The following FIS1 variants were observed in gnomAD, a reference collection of about 807,000 sequenced individuals.
FIS1 encodes fission, mitochondrial 1.
Under a neutral mutation model 21.6 loss-of-function variants are expected in FIS1, and 16 were observed. The observed-to-expected ratio is 0.74, with a 90% CI of 0.50 to 1.12. The LOEUF is 1.12. Ranked by LOEUF, FIS1 falls within the 50% of genes most tolerant of loss-of-function variation. The probability of loss-of-function intolerance (pLI) is 0.00; values close to 1 mark genes in which losing one functional copy is unlikely to be tolerated. For missense variants in FIS1, 198 were observed against 190.9 expected, an observed-to-expected ratio of 1.04 and a Z score of -0.22; for synonymous variants, 92 against 82.2, an observed-to-expected ratio of 1.12 and a Z score of -0.65.
chr7:101,244,164 A>G (rs1370700824), intron 1 of FIS1, 25 bp from the exon 2 acceptor site: 3 of 1,608,036 alleles, frequency 1.9e-6, no homozygotes, highest in Non-Finnish European at 2.6e-6. Flanking sequence ...GAAAGGAATC[A>G]TTTAGAAATG....
At chr7:101,240,939 C>T (rs751470497) in intron 2 of FIS1, 33 bp from the exon 3 acceptor site, 1 of 1,602,742 alleles carries the variant, frequency 6.2e-7, no homozygotes, top group South Asian at 1.1e-5. Context: ...GTGAGAAATG[C>T]TTCTTTCCTA....
chr7:101,239,802 T>TC lies in FIS1; in HGVS notation c.*3dup. 1 of 1,592,064 alleles carries TC rather than the reference T, an allele frequency of 6.3e-7. No individual in the cohort carries two copies. Among genetic ancestry groups the TC allele is most frequent in the South Asian group, 1.1e-5 (1 of 87,804 alleles). ...AGCGTTCTCCGTGGGCTCCCGCGTCTCCTTCAGGATTTGGACTTGGACACA... is the reference window on the plus strand; with the variant it reads ...AGCGTTCTCCGTGGGCTCCCGCGTCTCCCTTCAGGATTTGGACTTGGACACA... On this transcript the variant is annotated 3_prime_UTR_variant, in exon 5 of 5. Transcript: ENST00000223136.
chr7:101,243,908 G>GT (rs1429041766), intron 2 of FIS1, 99 bp downstream of exon 2: 1 of 1,455,516 alleles, frequency 6.9e-7, no homozygotes, highest in Non-Finnish European at 9.2e-7. Flanking sequence ...CCTTGGTGCA[G>GT]TAAATCTACC....
chr7:101,242,668 T>C (rs2116850240), intron 2 of FIS1, among the ~76,000 whole-genome samples: 1 of 152,138 alleles, frequency 6.6e-6, no homozygotes, highest in East Asian at 1.9e-4. Context: ...TTTGTATTTT[T>C]AGTAGAGACA....
intron 1 of FIS1, 83 bp from the exon 2 acceptor site, chr7:101,244,222 G>GCGC: frequency 1.4e-6 from 2 of 1,479,738 alleles, no homozygotes. Context: ...CCCTGGCTCT[G>GCGC]CCCCTTTCCC....
At chr7:101,243,478 A>C (rs1798773541) in intron 2 of FIS1, among the ~76,000 whole-genome samples, 1 of 152,218 alleles carries the variant, frequency 6.6e-6, no homozygotes, top group African/African-American at 2.4e-5. Flanking sequence ...CAGGATGTTG[A>C]TGCAGGAGAA....
chr7:101,240,068 G>A, intron 4 of FIS1, 74 bp downstream of exon 4: 3 of 1,531,442 alleles, frequency 2.0e-6, no homozygotes, highest in Non-Finnish European at 2.7e-6. Context: ...GCCTGGAGGG[G>A]TTCATTTACA....
At position 101,240,124 on chromosome 7, in the gene FIS1, AG is replaced by A. The variant is rs1325422476; in HGVS notation, c.361+17del. The A allele has an allele frequency of 1.9e-6, 3 of 1,613,230 alleles. No individual in the cohort carries two copies. Among genetic ancestry groups the A allele is most frequent in the Non-Finnish European group, 2.5e-6 (3 of 1,179,210 alleles). ...CGTGGGGAAGAGCGGGGCTGAACAA[AG>A]GGGCCGAGGCTGTCACCTTTCTTCA... On this transcript the variant is annotated intron_variant, in intron 4 of 4. Transcript: ENST00000223136.
chr7:101,241,566 TA>T (rs1238918706), intron 2 of FIS1: 1 of 149,646 alleles, frequency 6.7e-6, no homozygotes, highest in African/African-American at 2.5e-5. Context: ...CCTCCCCCTT[TA>T]AAAAAATCAG....
intron 1 of FIS1, chr7:101,244,423 G>C: frequency 2.4e-6 from 1 of 420,610 alleles, no homozygotes; most frequent in South Asian, 3.0e-5. Context: ...GCTGACCCCG[G>C]CGGCCGAACA....
intron 2 of FIS1, among the ~76,000 whole-genome samples, 200 bp downstream of exon 2, chr7:101,243,807 G>A (rs1798778017): frequency 1.3e-5 from 2 of 152,288 alleles, no homozygotes; most frequent in Non-Finnish European, 2.9e-5. Flanking sequence ...GACAGTCCTG[G>A]GGGAACTGAC....
At chr7:101,240,008 G>A (rs1798717770) in intron 4 of FIS1, 105 bp from the exon 5 acceptor site, 1 of 1,410,314 alleles carries the variant, frequency 7.1e-7, no homozygotes, top group Non-Finnish European at 9.8e-7. Flanking sequence ...CCTACCTGGA[G>A]TCGCAGGGCA....
At chr7:101,244,914 C>T (rs975775807) in intron 1 of FIS1, 46 bp downstream of exon 1, 1 of 1,612,102 alleles carries the variant, frequency 6.2e-7, no homozygotes, top group Non-Finnish European at 8.5e-7. Flanking sequence ...CTCCTCAGGA[C>T]CCGCCCTCCG....
In FIS1 at chr7:101,241,140, A is replaced by G. The variant is rs1798741569; in HGVS notation, c.179-234T>C. On this transcript the variant is annotated intron_variant, in intron 2 of 4. Coordinates refer to ENST00000223136, the MANE Select transcript of FIS1 (RefSeq NM_016068.3). ...ACAGAACATGCCTTTTATCAGTATT[A>G]CAGTCAACTGGTCCATCCAACTGAA... 2.2e-5 allele frequency: 12 copies of G among 554,328 alleles called. No individual in the cohort carries two copies. The South Asian group carries it at 2.6e-4, about 12-fold the overall frequency. The allele number at this position is 554,328 out of a possible 1,614,324, so 34.3% of individuals were successfully genotyped here.
At position 101,239,760 on chromosome 7, in the gene FIS1, T is replaced by A. The variant is rs1336263356; in HGVS notation, c.*46A>T. On this transcript the variant is annotated 3_prime_UTR_variant, in exon 5 of 5. Transcript: ENST00000223136. ...GAGAACAGGGAAAGGACAGCGAGGA[T>A]GGACAGGCCCTCCTGGAGCGTTCTC... 7.0e-7 allele frequency: 1 copy of A among 1,424,966 alleles called. No individual in the cohort carries two copies. The highest frequency in any genetic ancestry group is 9.7e-7 in the Non-Finnish European group (1 of 1,034,466). The allele number at this position is 1,424,966 out of a possible 1,614,324, so 88.3% of individuals were successfully genotyped here.
rs1418103095 is a variant in FIS1 at position 101,240,507 on chromosome 7, C to A, written c.256-260G>T. On this transcript the variant is annotated intron_variant, in intron 3 of 4. Coordinates refer to ENST00000223136, the MANE Select transcript of FIS1 (RefSeq NM_016068.3). Reference sequence around the variant, plus strand: ...TCCCCCTGCCCACGTGAAGGGCCTTCCCTTCTTCAGCCCTGGGGGCTCCTC... The same window carrying A: ...TCCCCCTGCCCACGTGAAGGGCCTTACCTTCTTCAGCCCTGGGGGCTCCTC... Among the ~76,000 whole-genome samples, 7 of 152,292 alleles carry A rather than the reference C, an allele frequency of 4.6e-5. No individual in the cohort carries two copies. The South Asian group carries it at 1.2e-3, about 27-fold the overall frequency.
At position 101,239,539 on chromosome 7, in the gene FIS1, A is replaced by G; in HGVS notation, c.*267T>C. The G allele has an allele frequency of 1.9e-6, 1 of 536,288 alleles. No individual in the cohort carries two copies. Among genetic ancestry groups the G allele is most frequent in the Non-Finnish European group, 3.4e-6 (1 of 290,784 alleles). 33.2% of individuals were successfully genotyped at this position (536,288 alleles called of 1,614,324 possible). A position where few individuals can be genotyped will look rare whatever the true frequency, so the allele number is the denominator to read the frequency against. On this transcript the variant is annotated 3_prime_UTR_variant, in exon 5 of 5. Coordinates refer to ENST00000223136, the MANE Select transcript of FIS1 (RefSeq NM_016068.3). The stretch of plus-strand genomic sequence containing the variant: ...ACCTGGAGGGCAGGGGCAGGAGAGG[A>G]CCAGGAGTGACGTCTCCGCCCCCTG...
chr7:101,244,209 T>C, intron 1 of FIS1, 70 bp from the exon 2 acceptor site: 1 of 1,528,670 alleles, frequency 6.5e-7, no homozygotes, highest in Non-Finnish European at 8.8e-7. Flanking sequence ...GGACATGCCA[T>C]CTCCCTGGCT....
At chr7:101,240,980 CCT>C in intron 2 of FIS1, 74 bp from the exon 3 acceptor site, 1 of 1,443,692 alleles carries the variant, frequency 6.9e-7, no homozygotes, top group South Asian at 1.2e-5. Context: ...CCCAGAGGCC[CCT>C]TCCACTCTCT....
Sources: allele counts gnomAD v4.1 joint callset (sites outside exome capture counted in the v4.1 genomes callset), GRCh38; gene constraint gnomAD v4.1.1; transcripts MANE v1.5; gene names NCBI Gene and HGNC (gene_info 2026-07-23, HGNC 2026-07-21).